SYN3: variants seen among roughly 807,000 people sequenced by gnomAD.
SYN3 encodes the protein synapsin III.
Under a neutral mutation model 65.8 loss-of-function variants are expected in SYN3, and 35 were observed. That is an observed-to-expected ratio of 0.53 (90% CI 0.41 to 0.70). The LOEUF (loss-of-function observed/expected upper bound fraction) is 0.70. SYN3 is among the 30% of genes least tolerant of loss of function. SYN3 has a pLI of 0.00. For synonymous variants in SYN3, 270 were observed against 292.9 expected (o/e 0.92, Z 0.80); for missense variants, 680 against 749.0 (o/e 0.91, Z 1.08).
At chr22:32,594,522 T>C (rs1016543425) in intron 7 of SYN3, among the ~76,000 whole-genome samples, 1 of 151,792 alleles carries the variant, frequency 6.6e-6, no homozygotes, top group East Asian at 1.9e-4. Flanking sequence ...AATTTCACTC[T>C]TGTTGCCCAG....
chr22:32,582,959 A>G (rs984047603), intron 7 of SYN3, among the ~76,000 whole-genome samples: 18 of 152,136 alleles, frequency 1.2e-4, no homozygotes, highest in African/African-American at 4.1e-4. Context: ...TGACGTGAAC[A>G]AGGCTGAGCA....
intron 6 of SYN3, among the ~76,000 whole-genome samples, chr22:32,836,912 C>A (rs1221749894): frequency 6.6e-6 from 1 of 152,148 alleles, no homozygotes; most frequent in Admixed American, 6.5e-5. Flanking sequence ...TTGTTCAAAC[C>A]ACAAGAAAGT....
At chr22:32,740,110 G>A (rs769923837) in intron 6 of SYN3, among the ~76,000 whole-genome samples, 2 of 152,218 alleles carry the variant, frequency 1.3e-5, no homozygotes, top group Non-Finnish European at 2.9e-5. Context: ...AGATTCAGGG[G>A]ACCTGAGAAC....
At chr22:32,630,442 A>G (rs1049886430) in intron 6 of SYN3, among the ~76,000 whole-genome samples, 1 of 152,224 alleles carries the variant, frequency 6.6e-6, no homozygotes, top group Non-Finnish European at 1.5e-5. Flanking sequence ...CAATGTAAAT[A>G]AATTCATGAT....
chr22:33,026,466 A>G (rs930183816), intron 1 of SYN3, among the ~76,000 whole-genome samples: 3 of 152,142 alleles, frequency 2.0e-5, no homozygotes, highest in Admixed American at 6.5e-5. Flanking sequence ...TTGATGTCCA[A>G]TGGTACCCTG....
intron 2 of SYN3, among the ~76,000 whole-genome samples, chr22:32,992,899 T>C (rs962332533): frequency 6.6e-6 from 1 of 152,198 alleles, no homozygotes; most frequent in Non-Finnish European, 1.5e-5. Flanking sequence ...AACATCTCCG[T>C]GTGGCCTGTC....
intron 6 of SYN3, among the ~76,000 whole-genome samples, chr22:32,615,447 A>AAAAAAAAAAAAG (rs1478364325): frequency 4.6e-5 from 7 of 150,614 alleles, no homozygotes; most frequent in African/African-American, 1.7e-4. Context: ...AAAAAAAAAA[A>AAAAAAAAAAAAG]AAAAGAAAAA....
intron 6 of SYN3, among the ~76,000 whole-genome samples, chr22:32,699,358 A>G (rs1713849793): frequency 6.6e-6 from 1 of 152,246 alleles, no homozygotes; most frequent in South Asian, 2.1e-4. Context: ...TTCAGGAGAA[A>G]TGCTCTTGCC....
intron 3 of SYN3, among the ~76,000 whole-genome samples, chr22:32,959,405 T>C (rs970176873): frequency 2.6e-5 from 4 of 151,926 alleles, no homozygotes; most frequent in African/African-American, 9.7e-5. Flanking sequence ...AACGGACTAA[T>C]ACAGGTGTGG....
intron 6 of SYN3, among the ~76,000 whole-genome samples, chr22:32,602,089 C>A (rs1018974898): frequency 6.6e-6 from 1 of 152,080 alleles, no homozygotes; most frequent in Non-Finnish European, 1.5e-5. Context: ...TTTTATATGT[C>A]CAATAAAACC....
chr22:32,675,842 G>A (rs1212588401), intron 6 of SYN3, among the ~76,000 whole-genome samples: 1 of 152,194 alleles, frequency 6.6e-6, no homozygotes, highest in African/African-American at 2.4e-5. Context: ...GACCCAGTGA[G>A]GGGGAAGAAT....
At chr22:32,884,369 G>C (rs1015701320) in intron 4 of SYN3, among the ~76,000 whole-genome samples, 3 of 152,124 alleles carry the variant, frequency 2.0e-5, no homozygotes, top group Non-Finnish European at 4.4e-5. Flanking sequence ...GGGATCCCAG[G>C]AACACTAGTT....
intron 1 of SYN3, among the ~76,000 whole-genome samples, chr22:33,024,400 GTA>G (rs2053607054): frequency 6.6e-6 from 1 of 152,148 alleles, no homozygotes; most frequent in South Asian, 2.1e-4. Flanking sequence ...TGGAAAAGTA[GTA>G]GCCTGGAATC....
At chr22:33,035,894 T>C (rs2053850470) in intron 1 of SYN3, among the ~76,000 whole-genome samples, 1 of 152,206 alleles carries the variant, frequency 6.6e-6, no homozygotes, top group South Asian at 2.1e-4. Context: ...AGTCTAGCTC[T>C]GATTCTACAT....
At chr22:32,686,324 C>G (rs2060587794) in intron 6 of SYN3, among the ~76,000 whole-genome samples, 1 of 151,032 alleles carries the variant, frequency 6.6e-6, no homozygotes, top group Non-Finnish European at 1.5e-5. Flanking sequence ...AGCTGCCACT[C>G]AACTCTGCCG....
intron 6 of SYN3, among the ~76,000 whole-genome samples, chr22:32,781,601 C>A (rs2046065893): frequency 6.6e-6 from 1 of 151,914 alleles, no homozygotes; most frequent in Non-Finnish European, 1.5e-5. Context: ...GTAGGTGTTA[C>A]TTAGGTGTTT....
chr22:32,702,391 T>C (rs1334688626), intron 6 of SYN3, among the ~76,000 whole-genome samples: 1 of 152,150 alleles, frequency 6.6e-6, no homozygotes, highest in Non-Finnish European at 1.5e-5. Flanking sequence ...GGCAGGAGAA[T>C]GGTGTGAACC....
At chr22:32,991,731 C>G (rs2052722888) in intron 2 of SYN3, among the ~76,000 whole-genome samples, 1 of 152,206 alleles carries the variant, frequency 6.6e-6, no homozygotes, top group Non-Finnish European at 1.5e-5. Context: ...TTCGCTAAGC[C>G]TATTCTGAAG....
At chr22:33,036,048 G>A (rs1482282329) in intron 1 of SYN3, among the ~76,000 whole-genome samples, 2 of 152,010 alleles carry the variant, frequency 1.3e-5, no homozygotes, top group Non-Finnish European at 2.9e-5. Context: ...CTTATCTTAT[G>A]TAAAATGGAG....
Sources: gnomAD v4.1 joint callset for allele counts (sites outside exome capture counted in the v4.1 genomes callset) on GRCh38, gnomAD v4.1.1 for gene constraint, MANE v1.5 for transcripts, NCBI Gene and HGNC (gene_info 2026-07-23, HGNC 2026-07-21) for gene names.